Variants in JTB observed in about 807,000 individuals in gnomAD.
JTB encodes protein JTB.
JTB carries 10 observed loss-of-function variants against 22.1 expected under a neutral mutation model. The observed-to-expected ratio is 0.45, with a 90% CI of 0.28 to 0.77. The LOEUF (loss-of-function observed/expected upper bound fraction) is 0.77. Among genes scored for constraint, JTB ranks in the 30% least tolerant of loss-of-function variants. The probability of loss-of-function intolerance (pLI) is 0.13; values close to 1 mark genes in which losing one functional copy is unlikely to be tolerated. For synonymous variants in JTB, 83 were observed against 66.8 expected (o/e 1.24, Z -1.18); for missense variants, 137 against 180.3 (o/e 0.76, Z 1.38).
chr1:153,977,614 C>G lies in JTB; in HGVS notation c.-362G>C, dbSNP rs3182946. The G allele has an allele frequency of 2.0e-6, 2 of 1,023,336 alleles. No individual in the cohort carries two copies. Among genetic ancestry groups the G allele is most frequent in the Non-Finnish European group, 2.3e-6 (2 of 853,732 alleles). The allele number at this position is 1,023,336 out of a possible 1,614,324, so 63.4% of individuals were successfully genotyped here. On this transcript the variant is annotated 5_prime_UTR_variant, in exon 1 of 5. Transcript: ENST00000271843. ...CTCGGGCGCGGGACCGAGCTCGGGG[C>G]CCGGTGTTCCCGGGGGCGTTCGGTC...
intron 4 of JTB, 36 bp from the exon 5 acceptor site, chr1:153,974,871 G>A (rs1259136440): frequency 5.1e-6 from 8 of 1,582,258 alleles, no homozygotes; most frequent in Non-Finnish European, 6.1e-6. Flanking sequence ...CCCAAGGAAG[G>A]CCAGACAGCT....
At position 153,977,572 on chromosome 1, in the gene JTB, T is replaced by G; in HGVS notation, c.-320A>C. 9.3e-7 allele frequency: 1 copy of G among 1,073,410 alleles called. No homozygotes were observed. The allele number at this position is 1,073,410 out of a possible 1,614,324, so 66.5% of individuals were successfully genotyped here. On this transcript the variant is annotated 5_prime_UTR_variant, in exon 1 of 5. Transcript: ENST00000271843. ...CGCTCCCGCCCCCGACGCAGCCATC[T>G]AGCCCCGTGGAGGATCCTCGGGCGC... is the stretch of plus-strand genomic sequence containing the variant.
chr1:153,975,940 A>C (rs745505224), intron 3 of JTB, 35 bp from the exon 4 acceptor site: 32 of 1,480,626 alleles, frequency 2.2e-5, no homozygotes, highest in Admixed American at 1.0e-4. Context: ...ACATGTTAGG[A>C]AGGGGCAACA....
intron 1 of JTB, 57 bp from the exon 2 acceptor site, chr1:153,977,070 C>A (rs545656642): frequency 6.2e-7 from 1 of 1,613,962 alleles, no homozygotes; most frequent in Non-Finnish European, 8.5e-7. Context: ...AGGGCACCCC[C>A]TCCTGCGCTG....
Position 153,977,309 on chromosome 1 carries a change from C to A in JTB, c.-57G>T. 6.3e-7 allele frequency: 1 copy of A among 1,594,450 alleles called. No individual in the cohort carries two copies. Among genetic ancestry groups the A allele is most frequent in the Non-Finnish European group, 8.5e-7 (1 of 1,170,494 alleles). On this transcript the variant is annotated 5_prime_UTR_variant, in exon 1 of 5. Coordinates refer to ENST00000271843, the MANE Select transcript of JTB (RefSeq NM_006694.4). The stretch of plus-strand genomic sequence containing the variant: ...AGGGACCTACTCCACAGGCCTCGTG[C>A]CTCCGTCGGAGCGCAGAGGCGGCAC...
chr1:153,976,588 A>G (rs1648802979), intron 3 of JTB, 105 bp downstream of exon 3: 1 of 949,026 alleles, frequency 1.1e-6, no homozygotes, highest in Admixed American at 2.2e-5. Flanking sequence ...AAGAAAGAAA[A>G]AAAGATGATG....
At chr1:153,976,380 G>C (rs894406173) in intron 3 of JTB, among the ~76,000 whole-genome samples, 1 of 152,162 alleles carries the variant, frequency 6.6e-6, no homozygotes, top group Admixed American at 6.5e-5. Flanking sequence ...AGAATCGCTT[G>C]AACCCGGGAG....
At position 153,976,569 on chromosome 1, in the gene JTB, G is replaced by A. The variant is rs1203751170; in HGVS notation, c.204+124C>T. The stretch of plus-strand genomic sequence containing the variant: ...AAGTACAGATTTGGACATACACTGA[G>A]ACTGCAAGAAGAAAGAAAAAAAGAT... On this transcript the variant is annotated intron_variant, in intron 3 of 4. Coordinates refer to ENST00000271843, the MANE Select transcript of JTB (RefSeq NM_006694.4). 3.8e-6 allele frequency: 3 copies of A among 784,214 alleles called. No individual in the cohort carries two copies. In the African/African-American group the frequency reaches 5.2e-5, roughly 14 times the overall value. The allele number at this position is 784,214 out of a possible 1,614,324, so 48.6% of individuals were successfully genotyped here.
Position 153,976,998 on chromosome 1 carries a change from G to T in JTB, c.99C>A (p.Pro33=). The T allele has an allele frequency of 6.2e-7, 1 of 1,614,162 alleles. No individual in the cohort carries two copies. The highest frequency in any genetic ancestry group is 1.1e-5 in the South Asian group (1 of 91,074). Residue 33 remains proline (P), a synonymous_variant, in exon 2 of 5, where the codon CCC becomes CCA. Transcript: ENST00000271843. Reference sequence around the variant, plus strand: ...CACCTGACAGCTTCTCTTCCTGCACGGGAGCCTCTGCTTGGCTGTAGCGGA... The same window carrying T: ...CACCTGACAGCTTCTCTTCCTGCACTGGAGCCTCTGCTTGGCTGTAGCGGA... ...FTLKLCQAEA[P]VQEEKLSAST...
At position 153,975,581 on chromosome 1, in the gene JTB, A is replaced by G. The variant is rs374319554; in HGVS notation, c.284+245T>C. On this transcript the variant is annotated intron_variant, in intron 4 of 4. Transcript: ENST00000271843. ...TGGGATTATGGGCACCCACCACACCAGCTAATTTTTGTATTTTTAGTAGAG... is the reference window on the plus strand; with the variant it reads ...TGGGATTATGGGCACCCACCACACCGGCTAATTTTTGTATTTTTAGTAGAG... 1.1e-3 allele frequency among the ~76,000 whole-genome samples: 172 copies of G among 151,682 alleles called. 1 individual carries two copies. Among genetic ancestry groups the G allele is most frequent in the African/African-American group, 3.5e-3 (146 of 41,326 alleles).
chr1:153,974,593 A>C lies in JTB; in HGVS notation c.*86T>G, dbSNP rs1648712907. The stretch of plus-strand genomic sequence containing the variant: ...AAGGGGATTCCACCACAAGGCTCCA[A>C]AGAACCAAGAGTGCAAATCAGTCCA... On this transcript the variant is annotated 3_prime_UTR_variant, in exon 5 of 5. Transcript: ENST00000271843. 1.7e-6 allele frequency: 2 copies of C among 1,185,496 alleles called. No individual in the cohort carries two copies. Among genetic ancestry groups the C allele is most frequent in the Admixed American group, 4.2e-5 (2 of 47,652 alleles). The allele number at this position is 1,185,496 out of a possible 1,614,324, so 73.4% of individuals were successfully genotyped here.
rs549746909 is a variant in JTB, at chr1:153,975,708, G to A, written c.284+118C>T. The A allele has an allele frequency of 1.2e-4, 96 of 799,098 alleles. No homozygotes were observed. In the Middle Eastern group the frequency reaches 2.5e-3, roughly 21 times the overall value. The allele number at this position is 799,098 out of a possible 1,614,324, so 49.5% of individuals were successfully genotyped here. On this transcript the variant is annotated intron_variant, in intron 4 of 4. Transcript: ENST00000271843. Reference sequence around the variant, plus strand: ...GTACTGGGATTATAGGTGTGAGCCCGGCCCCCTCTTCTTTCAGATATTCCA... The same window carrying A: ...GTACTGGGATTATAGGTGTGAGCCCAGCCCCCTCTTCTTTCAGATATTCCA...
Position 153,977,276 on chromosome 1 carries a change from C to A in JTB, c.-24G>T. 6.2e-7 allele frequency: 1 copy of A among 1,612,938 alleles called. No individual in the cohort carries two copies. Among genetic ancestry groups the A allele is most frequent in the Non-Finnish European group, 8.5e-7 (1 of 1,179,626 alleles). ...ATGGAGCGCCAAGTGTCGCACCTGT[C>A]GGAACAGAGGGACCTACTCCACAGG... On this transcript the variant is annotated 5_prime_UTR_variant, in exon 1 of 5. Coordinates refer to ENST00000271843, the MANE Select transcript of JTB (RefSeq NM_006694.4).
rs769102728 is a variant in JTB at position 153,976,960 on chromosome 1, CCAGA to C, written c.121+12_121+15del. ...ACAAACGACGGGACGTGTCGGGTTCCCAGACAATCACCCACCTGACAGCTTCTCT... is the reference window on the plus strand; with the variant it reads ...ACAAACGACGGGACGTGTCGGGTTCCCAATCACCCACCTGACAGCTTCTCT... On this transcript the variant is annotated intron_variant, in intron 2 of 4. Transcript: ENST00000271843. The C allele has an allele frequency of 6.8e-6, 11 of 1,613,990 alleles. No individual in the cohort carries two copies. Among genetic ancestry groups the C allele is most frequent in the Middle Eastern group, 1.6e-4 (1 of 6,084 alleles).
chr1:153,976,898 G>A (rs1648809752), intron 2 of JTB, 78 bp downstream of exon 2: 3 of 1,606,422 alleles, frequency 1.9e-6, no homozygotes, highest in Non-Finnish European at 1.7e-6. Context: ...TTTTCCACCT[G>A]TGCTCTTGGT....
In JTB at chr1:153,977,006, C is replaced by G; in HGVS notation, c.91G>C (p.Glu31Gln). The G allele has an allele frequency of 1.9e-6, 3 of 1,614,214 alleles. No individual in the cohort carries two copies. Among genetic ancestry groups the G allele is most frequent in the Non-Finnish European group, 2.5e-6 (3 of 1,180,034 alleles). ...AGCTTCTCTTCCTGCACGGGAGCCT[C>G]TGCTTGGCTGTAGCGGAGTTGGGGG... ...CAFTLKLCQA[E>Q]APVQEEKLSA... Residue 31 changes from glutamate to glutamine, a missense_variant, in exon 2 of 5, where the codon GAG becomes CAG. Coordinates refer to ENST00000271843, the MANE Select transcript of JTB (RefSeq NM_006694.4).
chr1:153,977,108 G>C, intron 1 of JTB, 62 bp downstream of exon 1: 1 of 1,613,804 alleles, frequency 6.2e-7, no homozygotes. Flanking sequence ...CCCCAGCCCC[G>C]AGGCCGGGAA....
At position 153,977,482 on chromosome 1, in the gene JTB, C is replaced by T; in HGVS notation, c.-230G>A. 1 of 1,250,908 alleles carries T rather than the reference C, an allele frequency of 8.0e-7. No homozygotes were observed. Among genetic ancestry groups the T allele is most frequent in the African/African-American group, 1.6e-5 (1 of 63,962 alleles). 77.5% of individuals were successfully genotyped at this position (1,250,908 alleles called of 1,614,324 possible). A position where few individuals can be genotyped will look rare whatever the true frequency, so the allele number is the denominator to read the frequency against. Reference sequence around the variant, plus strand: ...GGGCTAGGGAGGCGAGCGCCTTCTGCGGGGTCCGCAGGGCGCTGGAGGAAG... The same window carrying T: ...GGGCTAGGGAGGCGAGCGCCTTCTGTGGGGTCCGCAGGGCGCTGGAGGAAG... On this transcript the variant is annotated 5_prime_UTR_variant, in exon 1 of 5. Coordinates refer to ENST00000271843, the MANE Select transcript of JTB (RefSeq NM_006694.4).
In JTB at chr1:153,975,925, A is replaced by G. The variant is rs778778863; in HGVS notation, c.205-20T>C. 5 of 1,581,754 alleles carry G rather than the reference A, an allele frequency of 3.2e-6. No individual in the cohort carries two copies. The highest frequency in any genetic ancestry group is 3.5e-6 in the Non-Finnish European group (4 of 1,150,694). On this transcript the variant is annotated intron_variant, in intron 3 of 4. Coordinates refer to ENST00000271843, the MANE Select transcript of JTB (RefSeq NM_006694.4). ...AGTTTTCTGCCAGGAGAAAAGGAGC[A>G]AAGTACATGTTAGGAAGGGGCAACA...
Sources: gnomAD v4.1 joint callset for allele counts (sites outside exome capture counted in the v4.1 genomes callset) on GRCh38, gnomAD v4.1.1 for gene constraint, MANE v1.5 for transcripts, NCBI Gene and HGNC (gene_info 2026-07-23, HGNC 2026-07-21) for gene names.